The following CAMK2D variants were observed in gnomAD, a reference collection of about 807,000 sequenced individuals.
CAMK2D encodes calcium/calmodulin-dependent protein kinase type II subunit delta.
In CAMK2D, 37 loss-of-function variants were observed where a neutral mutation model predicts 84.0. The observed-to-expected ratio is 0.44, with a 90% confidence interval of 0.34 to 0.58. The LOEUF (loss-of-function observed/expected upper bound fraction) is 0.58, where lower values mean the gene tolerates loss of function less well. Among genes scored for constraint, CAMK2D ranks in the 20% least tolerant of loss-of-function variants. CAMK2D has a pLI of 0.02. For synonymous variants in CAMK2D, 202 were observed against 212.5 expected, an observed-to-expected ratio of 0.95 and a Z score of 0.43; for missense variants, 448 against 652.5, an observed-to-expected ratio of 0.69 and a Z score of 3.41.
intron 4 of CAMK2D, among the ~76,000 whole-genome samples, chr4:113,592,424 T>C (rs1157084747): frequency 6.6e-6 from 1 of 152,220 alleles, no homozygotes; most frequent in African/African-American, 2.4e-5. Context: ...ACAGCAATTC[T>C]AGCCTCTTTC....
At chr4:113,617,983 A>T (rs1042671338) in intron 3 of CAMK2D, among the ~76,000 whole-genome samples, 1 of 152,114 alleles carries the variant, frequency 6.6e-6, no homozygotes, top group Non-Finnish European at 1.5e-5. Flanking sequence ...GCCATGATAT[A>T]AAACATTTTT....
At chr4:113,516,547 C>G (rs1225796101) in intron 9 of CAMK2D, among the ~76,000 whole-genome samples, 4 of 152,106 alleles carry the variant, frequency 2.6e-5, no homozygotes, top group Non-Finnish European at 5.9e-5. Context: ...GTTCCAATTA[C>G]TAGTCTAGGA....
chr4:113,518,284 G>C (rs752972727), intron 8 of CAMK2D, among the ~76,000 whole-genome samples: 1 of 152,110 alleles, frequency 6.6e-6, no homozygotes, highest in Non-Finnish European at 1.5e-5. Flanking sequence ...AAAAGGGAGA[G>C]AAGGGAGAAA....
intron 5 of CAMK2D, 58 bp from the exon 6 acceptor site, chr4:113,547,774 T>C (rs2098594073): frequency 5.3e-6 from 6 of 1,129,734 alleles, no homozygotes; most frequent in African/African-American, 1.5e-5. Flanking sequence ...ACTGTCTGTA[T>C]ACCCTCAGAG....
chr4:113,607,327 G>A (rs1345900787), intron 4 of CAMK2D, among the ~76,000 whole-genome samples: 1 of 152,196 alleles, frequency 6.6e-6, no homozygotes, highest in East Asian at 1.9e-4. Flanking sequence ...AGCCTGTGCA[G>A]TAGGATTGTG....
rs374057176 is a variant in CAMK2D, at chr4:113,615,016, T to C, written c.221-5810A>G. ...ATCATTGTTTGTCAGCTCTGAGTAA[T>C]AGTCCTGGTTATTAATGAGGCAGAA... On this transcript the variant is annotated intron_variant, in intron 3 of 20. Transcript: ENST00000511664. Among the ~76,000 whole-genome samples, 26 of 152,286 alleles carry C rather than the reference T, an allele frequency of 1.7e-4. No individual in the cohort carries two copies. The East Asian group carries it at 4.6e-3, about 27-fold the overall frequency.
At chr4:113,602,406 G>C (rs2098957035) in intron 4 of CAMK2D, among the ~76,000 whole-genome samples, 1 of 152,156 alleles carries the variant, frequency 6.6e-6, no homozygotes, top group Non-Finnish European at 1.5e-5. Context: ...TGAAGAAGCA[G>C]ATACAGATAA....
At position 113,453,266 on chromosome 4, in the gene CAMK2D, C is replaced by G. The variant is rs529172085; in HGVS notation, c.*1279G>C. 4.6e-5 allele frequency: 7 copies of G among 152,284 alleles called. No homozygotes were observed. The highest frequency in any genetic ancestry group is 1.4e-4 in the African/African-American group (6 of 41,562). The allele number at this position is 152,284 out of a possible 1,614,324, so 9.4% of individuals were successfully genotyped here. A position where few individuals can be genotyped will look rare whatever the true frequency, so the allele number is the denominator to read the frequency against. On this transcript the variant is annotated 3_prime_UTR_variant, in exon 21 of 21. Transcript: ENST00000511664. ...AGTCACAAAGATCAAGTTCAAAACA[C>G]TTATGAGAATGGCAAACATTTGTAA...
intron 16 of CAMK2D, among the ~76,000 whole-genome samples, chr4:113,496,854 C>A (rs185764019): frequency 6.6e-6 from 1 of 152,084 alleles, no homozygotes; most frequent in African/African-American, 2.4e-5. Flanking sequence ...AAACACTGAA[C>A]AAAATTAGAA....
intron 3 of CAMK2D, among the ~76,000 whole-genome samples, chr4:113,636,887 G>C (rs2099111931): frequency 6.6e-6 from 1 of 152,110 alleles, no homozygotes; most frequent in Non-Finnish European, 1.5e-5. Context: ...CACTCAGATG[G>C]AAAGTAAAGG....
chr4:113,662,460 A>C (rs1234315818), intron 2 of CAMK2D, among the ~76,000 whole-genome samples: 2 of 152,190 alleles, frequency 1.3e-5, no homozygotes, highest in Non-Finnish European at 2.9e-5. Flanking sequence ...ATATAACCAA[A>C]ATGACTCATC....
At chr4:113,480,488 G>A (rs945217568) in intron 16 of CAMK2D, among the ~76,000 whole-genome samples, 4 of 152,106 alleles carry the variant, frequency 2.6e-5, no homozygotes, top group African/African-American at 9.7e-5. Context: ...ACCAAACATT[G>A]ATGGTATTAA....
At chr4:113,457,285 G>T in intron 19 of CAMK2D, 50 bp downstream of exon 19, 1 of 1,604,812 alleles carries the variant, frequency 6.2e-7, no homozygotes. Context: ...AGTAGAAGGA[G>T]CTGACCATGG....
intron 16 of CAMK2D, among the ~76,000 whole-genome samples, chr4:113,489,085 A>T (rs186552294): frequency 3.3e-5 from 5 of 152,324 alleles, no homozygotes; most frequent in African/African-American, 1.2e-4. Flanking sequence ...ATAAGTTACT[A>T]ATTCTGATAC....
intron 2 of CAMK2D, among the ~76,000 whole-genome samples, chr4:113,712,003 T>C (rs1310369077): frequency 6.6e-6 from 1 of 152,150 alleles, no homozygotes; most frequent in African/African-American, 2.4e-5. Flanking sequence ...GTGAAGGCCC[T>C]TGTCTAAACA....
chr4:113,685,778 C>A (rs1255275482), intron 2 of CAMK2D, among the ~76,000 whole-genome samples: 1 of 151,840 alleles, frequency 6.6e-6, no homozygotes, highest in African/African-American at 2.4e-5. Context: ...AGTCTACAAG[C>A]AAGGGCCAGG....
intron 16 of CAMK2D, among the ~76,000 whole-genome samples, chr4:113,489,733 G>A (rs1174538347): frequency 6.9e-6 from 1 of 145,452 alleles, no homozygotes; most frequent in Non-Finnish European, 1.5e-5. Flanking sequence ...TTCCACAATG[G>A]TTGAACTAGT....
At chr4:113,563,527 T>C (rs1434046373) in intron 4 of CAMK2D, among the ~76,000 whole-genome samples, 1 of 152,240 alleles carries the variant, frequency 6.6e-6, no homozygotes, top group African/African-American at 2.4e-5. Context: ...GCCAAGGTAC[T>C]GAACCATTTT....
intron 16 of CAMK2D, among the ~76,000 whole-genome samples, chr4:113,491,556 T>G (rs1178218189): frequency 6.6e-6 from 1 of 152,024 alleles, no homozygotes; most frequent in Non-Finnish European, 1.5e-5. Context: ...AGTATTTTAT[T>G]GAGGATTTTT....
Sources: gnomAD v4.1 joint callset for allele counts (sites outside exome capture counted in the v4.1 genomes callset) on GRCh38, gnomAD v4.1.1 for gene constraint, MANE v1.5 for transcripts, NCBI Gene and HGNC (gene_info 2026-07-23, HGNC 2026-07-21) for gene names.